The following CDK19 variants were observed in gnomAD, a reference collection of about 807,000 sequenced individuals.
CDK19 encodes cyclin dependent kinase 19, also known as cyclin-dependent kinase 19.
A neutral mutation model predicts 68.3 loss-of-function variants in CDK19; 20 were observed. The observed-to-expected ratio is 0.29, with a 90% CI of 0.21 to 0.43. The LOEUF is 0.43. Among genes scored for constraint, CDK19 ranks in the 20% least tolerant of loss-of-function variants. The probability of loss-of-function intolerance (pLI) is 1.00; values close to 1 mark genes in which losing one functional copy is unlikely to be tolerated. For missense variants in CDK19, 339 were observed against 623.5 expected, an observed-to-expected ratio of 0.54 and a Z score of 4.86; for synonymous variants, 221 against 222.8, an observed-to-expected ratio of 0.99 and a Z score of 0.07.
At chr6:110,695,144 G>A (rs1260626142) in intron 2 of CDK19, among the ~76,000 whole-genome samples, 1 of 151,676 alleles carries the variant, frequency 6.6e-6, no homozygotes, top group East Asian at 1.9e-4. Flanking sequence ...AAAGGGGAAA[G>A]GGGAAAGGAA....
intron 1 of CDK19, among the ~76,000 whole-genome samples, chr6:110,812,357 C>T (rs1380545613): frequency 2.0e-5 from 3 of 152,122 alleles, no homozygotes; most frequent in East Asian, 3.9e-4. Flanking sequence ...CTCCTGACCT[C>T]GTGATCCACC....
Position 110,670,509 on chromosome 6 carries a change from A to G in CDK19, c.237T>C (p.Ile79=), listed in dbSNP as rs1377388117. 6.2e-7 allele frequency: 1 copy of G among 1,613,042 alleles called. No individual in the cohort carries two copies. The highest frequency in any genetic ancestry group is 1.7e-5 in the Admixed American group (1 of 60,024). The change falls in exon 3 of 13, where the codon ATT becomes ATC. Residue 79 remains isoleucine, a synonymous_variant. Coordinates refer to ENST00000368911, the MANE Select transcript of CDK19 (RefSeq NM_015076.5). The part of the protein sequence containing the change: ...LLRELKHPNV[I]ALQKVFLSHS... ...GAGAAAGGAACACCTTCTGCAATGC[A>G]ATCACATTAGGGTGCTTCAATTCTC...
chr6:110,713,319 T>C (rs1775099657), intron 2 of CDK19, among the ~76,000 whole-genome samples: 1 of 151,336 alleles, frequency 6.6e-6, no homozygotes, highest in African/African-American at 2.4e-5. Context: ...TGATGTTGCA[T>C]GCCTGTGGAG....
Position 110,630,052 on chromosome 6 carries a change from T to C in CDK19, c.646+1978A>G, listed in dbSNP as rs570558375. On this transcript the variant is annotated intron_variant, in intron 6 of 12. Coordinates refer to ENST00000368911, the MANE Select transcript of CDK19 (RefSeq NM_015076.5). ...CAAGAGAAAAATAAATCAGAAAATA[T>C]TCATAAAATTGTGCTTCTCAAAGTG... Among the ~76,000 whole-genome samples, 46 of 152,282 alleles carry C rather than the reference T, an allele frequency of 3.0e-4. No individual in the cohort carries two copies. In the South Asian group the frequency reaches 9.5e-3, roughly 32 times the overall value.
chr6:110,713,478 C>CA (rs33973234), intron 2 of CDK19, among the ~76,000 whole-genome samples: 22,822 of 129,504 alleles, frequency 0.18, 3,200 homozygotes, highest in East Asian at 0.37. Context: ...CCTCTTGTCT[C>CA]AAAAAAAAAA....
chr6:110,746,682 TAGC>T (rs1382747687), intron 1 of CDK19, among the ~76,000 whole-genome samples: 5 of 152,188 alleles, frequency 3.3e-5, no homozygotes, highest in African/African-American at 1.2e-4. Flanking sequence ...GTATCTCACC[TAGC>T]ATGGGGACAT....
chr6:110,628,613 G>A (rs755983923), intron 6 of CDK19, among the ~76,000 whole-genome samples: 66 of 152,166 alleles, frequency 4.3e-4, no homozygotes, highest in Non-Finnish European at 5.9e-5. Context: ...AGGGTTCGGT[G>A]CTATCTGCAA....
Position 110,612,085 on chromosome 6 carries a change from G to A in CDK19, c.*2450C>T, listed in dbSNP as rs562683293. ...AGGGTAGTTCTGTGAATGTATAAGC[G>A]TAAGAACTATTTAACAATGCTGCTT... On this transcript the variant is annotated 3_prime_UTR_variant, in exon 13 of 13. Transcript: ENST00000368911. The A allele has an allele frequency of 2.8e-4, 42 of 152,336 alleles. No homozygotes were observed. The highest frequency in any genetic ancestry group is 7.2e-4 in the African/African-American group (30 of 41,574). 9.4% of individuals were successfully genotyped at this position (152,336 alleles called of 1,614,324 possible). A position where few individuals can be genotyped will look rare whatever the true frequency, so the allele number is the denominator to read the frequency against.
chr6:110,676,271 G>A (rs1363816180), intron 2 of CDK19, among the ~76,000 whole-genome samples: 1 of 152,118 alleles, frequency 6.6e-6, no homozygotes, highest in Non-Finnish European at 1.5e-5. Context: ...AAACAGGTTT[G>A]GATAAGGAGT....
At chr6:110,637,035 G>A (rs191141137) in intron 5 of CDK19, among the ~76,000 whole-genome samples, 99 of 152,352 alleles carry the variant, frequency 6.5e-4, no homozygotes, top group African/African-American at 2.3e-3. Flanking sequence ...ATGTTTGTAG[G>A]GAAAGAGCCT....
At chr6:110,778,487 T>C (rs1272910496) in intron 1 of CDK19, among the ~76,000 whole-genome samples, 1 of 152,142 alleles carries the variant, frequency 6.6e-6, no homozygotes, top group Non-Finnish European at 1.5e-5. Flanking sequence ...GTCCTCTAGG[T>C]TTCCCAGCAG....
At chr6:110,716,574 A>G (rs1775415792) in intron 2 of CDK19, among the ~76,000 whole-genome samples, 1 of 152,240 alleles carries the variant, frequency 6.6e-6, no homozygotes, top group Non-Finnish European at 1.5e-5. Flanking sequence ...TTATAGAAGT[A>G]TTAAATAATC....
intron 1 of CDK19, among the ~76,000 whole-genome samples, chr6:110,783,586 C>T (rs990762632): frequency 6.8e-6 from 1 of 147,848 alleles, no homozygotes; most frequent in African/African-American, 2.5e-5. Flanking sequence ...TTCCGTGAGC[C>T]GAGATCACAC....
At chr6:110,742,473 A>G (rs1203199013) in intron 2 of CDK19, among the ~76,000 whole-genome samples, 1 of 152,192 alleles carries the variant, frequency 6.6e-6, no homozygotes, top group Non-Finnish European at 1.5e-5. Context: ...TTCAGGGAAC[A>G]AGGGAAGAAA....
chr6:110,689,917 C>G (rs992329754), intron 2 of CDK19, among the ~76,000 whole-genome samples: 17 of 152,186 alleles, frequency 1.1e-4, no homozygotes, highest in Non-Finnish European at 2.1e-4. Context: ...TGCACCATAT[C>G]AAAGGAACAT....
At chr6:110,677,749 T>TTA (rs2114494296) in intron 2 of CDK19, among the ~76,000 whole-genome samples, 1 of 152,278 alleles carries the variant, frequency 6.6e-6, no homozygotes, top group Non-Finnish European at 1.5e-5. Flanking sequence ...CTCACTGAAT[T>TTA]ATATTAGAGT....
At chr6:110,625,798 G>A (rs1232847057) in intron 8 of CDK19, among the ~76,000 whole-genome samples, 1 of 152,134 alleles carries the variant, frequency 6.6e-6, no homozygotes, top group Non-Finnish European at 1.5e-5. Context: ...ACCAAGGACT[G>A]TGAGAAAAAG....
At chr6:110,696,794 T>C (rs887433558) in intron 2 of CDK19, among the ~76,000 whole-genome samples, 1 of 151,950 alleles carries the variant, frequency 6.6e-6, no homozygotes, top group Admixed American at 6.6e-5. Context: ...CAGTGGCTCA[T>C]GCCTGTAATC....
chr6:110,617,662 T>TATATATATAC (rs755618032), intron 12 of CDK19, among the ~76,000 whole-genome samples: 2 of 107,158 alleles, frequency 1.9e-5, no homozygotes, highest in African/African-American at 7.7e-5. Flanking sequence ...TATATATATA[T>TATATATATAC]ACACACACAC....
Sources: allele counts gnomAD v4.1 joint callset (sites outside exome capture counted in the v4.1 genomes callset), GRCh38; gene constraint gnomAD v4.1.1; transcripts MANE v1.5; gene names NCBI Gene and HGNC (gene_info 2026-07-23, HGNC 2026-07-21).